CUZD1: variants seen among roughly 807,000 people sequenced by gnomAD.
The protein encoded by CUZD1 is CUB and zona pellucida like domains 1.
CUZD1 carries 42 observed loss-of-function variants against 53.1 expected under a neutral mutation model. The ratio of observed to expected loss-of-function variants is 0.79; its 90% CI spans 0.62 to 1.02. The LOEUF is 1.02. CUZD1 is among the 50% of genes least tolerant of loss of function. CUZD1 has a pLI of 0.00. For synonymous variants in CUZD1, 238 were observed against 257.2 expected, an observed-to-expected ratio of 0.93 and a Z score of 0.71; for missense variants, 670 against 715.7, an observed-to-expected ratio of 0.94 and a Z score of 0.73.
chr10:122,843,250 T>C (rs1847372186), intron 1 of CUZD1, among the ~76,000 whole-genome samples: 1 of 152,206 alleles, frequency 6.6e-6, no homozygotes, highest in African/African-American at 2.4e-5. Flanking sequence ...GGAATATTAT[T>C]CAGCAATAAA....
At chr10:122,840,913 G>T (rs1847331034) in intron 2 of CUZD1, among the ~76,000 whole-genome samples, 1 of 152,156 alleles carries the variant, frequency 6.6e-6, no homozygotes, top group South Asian at 2.1e-4. Flanking sequence ...CTATTTGTGT[G>T]ACCTCAGACA....
In CUZD1 at chr10:122,834,757, G is replaced by A. The variant is rs527431751; in HGVS notation, c.1331C>T (p.Ala444Val). Residue 444 changes from alanine (A) to valine (V), a missense_variant, in exon 7 of 9, where the codon GCC becomes GTC. Physicochemically the swap from Ala to Val is moderately conservative, Grantham distance 64 (BLOSUM62 0). Coordinates refer to ENST00000392790, the MANE Select transcript of CUZD1 (RefSeq NM_022034.6). ...AGATGCAAAGTCAGAGGTGGGAGAGGCTCTACAGGTATCAAGAAACACCAC... is the reference window on the plus strand; with the variant it reads ...AGATGCAAAGTCAGAGGTGGGAGAGACTCTACAGGTATCAAGAAACACCAC... ...NLVVFLDTCRASPTSDFASPT... is the reference protein window; with the variant it reads ...NLVVFLDTCRVSPTSDFASPT... The A allele has an allele frequency of 2.8e-4, 459 of 1,613,472 alleles. 4 individuals carry two copies. The South Asian group carries it at 4.8e-3, about 17-fold the overall frequency.
intron 3 of CUZD1, 88 bp downstream of exon 3, chr10:122,838,929 G>T: frequency 1.0e-6 from 1 of 985,430 alleles, no homozygotes; most frequent in Non-Finnish European, 1.6e-6. Context: ...AATATACTCA[G>T]ACTGAAGATT....
chr10:122,839,671 C>T lies in CUZD1; in HGVS notation c.234-440G>A, dbSNP rs557317847. Among the ~76,000 whole-genome samples, 94 of 152,322 alleles carry T rather than the reference C, an allele frequency of 6.2e-4. 1 individual carries two copies. In the South Asian group the frequency reaches 0.019, roughly 30 times the overall value. The stretch of plus-strand genomic sequence containing the variant: ...CAAGGAAAAGCAAACCTTAGCACCT[C>T]CCTAGTTGCTCCTTCCTTCCCTTGT... On this transcript the variant is annotated intron_variant, in intron 2 of 8. Transcript: ENST00000392790.
intron 6 of CUZD1, 46 bp downstream of exon 6, chr10:122,836,132 T>C (rs371955134): frequency 1.5e-5 from 23 of 1,536,168 alleles, no homozygotes; most frequent in Admixed American, 8.1e-5. Flanking sequence ...TTGCTCAACA[T>C]GCACTCAGCA....
rs373834414 is a variant in CUZD1 at position 122,845,805 on chromosome 10, T to G, written c.39A>C (p.Leu13Phe). The change falls in exon 1 of 9, where the codon TTA (leucine) becomes TTC (phenylalanine). Residue 13 changes from leucine to phenylalanine, a missense_variant. Leu to Phe is a conservative substitution (Grantham distance 22, BLOSUM62 0). Coordinates refer to ENST00000392790, the MANE Select transcript of CUZD1 (RefSeq NM_022034.6). ...LVRRLMPLTL[L>F]ILSCLAELTM... ...TCAGCTCCGCCAAACAGGAGAGAAT[T>G]AAGAGGGTCAATGGCATGAGCCTTC... is the stretch of plus-strand genomic sequence containing the variant. 6.2e-7 allele frequency: 1 copy of G among 1,614,136 alleles called. No individual in the cohort carries two copies. The highest frequency in any genetic ancestry group is 1.1e-5 in the South Asian group (1 of 91,022).
chr10:122,837,790 T>C, intron 3 of CUZD1: 3 of 398,704 alleles, frequency 7.5e-6, no homozygotes, highest in Non-Finnish European at 1.3e-5. Flanking sequence ...AAAGTTGTGC[T>C]GTAACATGTG....
At position 122,845,781 on chromosome 10, in the gene CUZD1, C is replaced by T. The variant is rs1847430189; in HGVS notation, c.63G>A (p.Leu21=). The change falls in exon 1 of 9, where the codon CTG becomes CTA. Residue 21 remains leucine (L), a synonymous_variant. Coordinates refer to ENST00000392790, the MANE Select transcript of CUZD1 (RefSeq NM_022034.6). The stretch of plus-strand genomic sequence containing the variant: ...TCTTACCTTCAGCCTCCGCCATTGT[C>T]AGCTCCGCCAAACAGGAGAGAATTA... ...TLLILSCLAE[L]TMAEAEGNAS... 3 of 1,613,866 alleles carry T rather than the reference C, an allele frequency of 1.9e-6. No individual in the cohort carries two copies. The highest frequency in any genetic ancestry group is 1.3e-5 in the African/African-American group (1 of 74,932).
At position 122,836,382 on chromosome 10, in the gene CUZD1, C is replaced by T. The variant is rs376556939; in HGVS notation, c.818-32G>A. The T allele has an allele frequency of 1.1e-4, 168 of 1,472,372 alleles. 1 individual carries two copies. The South Asian group carries it at 2.0e-3, about 18-fold the overall frequency. 91.2% of individuals were successfully genotyped at this position (1,472,372 alleles called of 1,614,324 possible). ...GGAAAAAAAAAAAAAAAAGAATGGT[C>T]ATGTTTATGCCAGCTAGGAATGTTG... On this transcript the variant is annotated intron_variant, in intron 5 of 8. Transcript: ENST00000392790.
intron 1 of CUZD1, among the ~76,000 whole-genome samples, chr10:122,844,305 G>A (rs1847398737): frequency 1.3e-5 from 2 of 152,028 alleles, no homozygotes. Flanking sequence ...CAAAGTGCTG[G>A]GATTGTAGGC....
chr10:122,832,605 A>G (rs1847177288), intron 8 of CUZD1, among the ~76,000 whole-genome samples, 155 bp from the exon 9 acceptor site: 1 of 152,216 alleles, frequency 6.6e-6, no homozygotes, highest in Admixed American at 6.5e-5. Flanking sequence ...AACCATTATC[A>G]AATAGTTGAA....
intron 4 of CUZD1, 102 bp downstream of exon 4, chr10:122,837,302 C>T (rs1847268919): frequency 8.2e-7 from 1 of 1,212,384 alleles, no homozygotes; most frequent in African/African-American, 1.5e-5. Context: ...GAAAAGTGCC[C>T]ATATATGAGA....
chr10:122,837,113 C>T, intron 4 of CUZD1, 65 bp from the exon 5 acceptor site: 1 of 1,216,388 alleles, frequency 8.2e-7, no homozygotes, highest in Non-Finnish European at 1.2e-6. Context: ...TTCTAACATC[C>T]CAACAATCCT....
chr10:122,834,162 A>C (rs1045015398), intron 7 of CUZD1, among the ~76,000 whole-genome samples: 1 of 152,196 alleles, frequency 6.6e-6, no homozygotes, highest in Non-Finnish European at 1.5e-5. Flanking sequence ...TTAATCAGAA[A>C]ACCAATACTT....
intron 1 of CUZD1, among the ~76,000 whole-genome samples, chr10:122,841,907 T>C (rs1447444430): frequency 6.6e-6 from 1 of 152,256 alleles, no homozygotes; most frequent in East Asian, 1.9e-4. Context: ...TTATTTGCCT[T>C]CTATATATCC....
rs574611896 is a variant in CUZD1, at chr10:122,844,201, T to A, written c.82+1561A>T. Among the ~76,000 whole-genome samples, 73 of 149,978 alleles carry A rather than the reference T, an allele frequency of 4.9e-4. 1 individual carries two copies. The South Asian group carries it at 6.7e-3, about 14-fold the overall frequency. ...GTACCACCATGCCTGGCTAAAAAAA[T>A]TTTTTTTTTAATTTTGTAGAGTCGA... On this transcript the variant is annotated intron_variant, in intron 1 of 8. Coordinates refer to ENST00000392790, the MANE Select transcript of CUZD1 (RefSeq NM_022034.6).
intron 2 of CUZD1, among the ~76,000 whole-genome samples, chr10:122,840,912 T>C (rs1847330975): frequency 6.6e-6 from 1 of 152,206 alleles, no homozygotes; most frequent in African/African-American, 2.4e-5. Flanking sequence ...ACTATTTGTG[T>C]GACCTCAGAC....
At chr10:122,834,393 A>G (rs1847211422) in intron 7 of CUZD1, among the ~76,000 whole-genome samples, 2 of 152,194 alleles carry the variant, frequency 1.3e-5, no homozygotes, top group Non-Finnish European at 2.9e-5. Context: ...TTTGTTGAAA[A>G]TAACCAAAAC....
Position 122,834,929 on chromosome 10 carries a change from G to T in CUZD1, c.1159C>A (p.Gln387Lys). 1 of 1,613,578 alleles carries T rather than the reference G, an allele frequency of 6.2e-7. No individual in the cohort carries two copies. The highest frequency in any genetic ancestry group is 1.1e-5 in the South Asian group (1 of 91,016). The change falls in exon 7 of 9, where the codon CAA (glutamine) becomes AAA (lysine). Residue 387 changes from glutamine to lysine, a missense_variant. Physicochemically the swap from Gln to Lys is moderately conservative, Grantham distance 53. Transcript: ENST00000392790. ...GTGTTATATTTGCCCAGTGCATTTT[G>T]ACTTTGTATTACATCATCTTCTGTT... Reference protein sequence around the residue: ...YITEDDVIQSQNALGKYNTSM... With the variant: ...YITEDDVIQSKNALGKYNTSM...
Sources: allele counts gnomAD v4.1 joint callset (sites outside exome capture counted in the v4.1 genomes callset), GRCh38; gene constraint gnomAD v4.1.1; transcripts MANE v1.5; gene names NCBI Gene and HGNC (gene_info 2026-07-23, HGNC 2026-07-21).